The following ZBED1 variants were observed in gnomAD, a reference collection of about 807,000 sequenced individuals.
ZBED1 encodes the protein E3 SUMO-protein ligase ZBED1.
ZBED1 carries 19 observed loss-of-function variants against 49.7 expected under a neutral mutation model. The observed-to-expected ratio is 0.38, with a 90% CI of 0.27 to 0.56. The LOEUF (loss-of-function observed/expected upper bound fraction) is 0.56. Among genes scored for constraint, ZBED1 ranks in the 20% least tolerant of loss-of-function variants. ZBED1 has a pLI of 0.70. For missense variants in ZBED1, 806 were observed against 972.6 expected, an observed-to-expected ratio of 0.83 and a Z score of 2.28; for synonymous variants, 439 against 440.3, an observed-to-expected ratio of 1.00 and a Z score of 0.04.
intron 1 of ZBED1, among the ~76,000 whole-genome samples, chrX:2,498,629 A>G (rs892566424): frequency 1.2e-4 from 18 of 151,512 alleles, no homozygotes; most frequent in Non-Finnish European, 2.5e-4. Context: ...AAATGGGAAA[A>G]AAAAAAAAAA....
rs1278991601 is a variant in ZBED1 at position 2,489,666 on chromosome X, A to G, written c.1054T>C (p.Ser352Pro). 6.2e-7 allele frequency: 1 copy of G among 1,612,228 alleles called. No individual in the cohort carries two copies. The highest frequency in any genetic ancestry group is 8.5e-7 in the Non-Finnish European group (1 of 1,179,780). ...AHCMLVSNRV[S>P]WWGSTLAMLQ... is the part of the protein sequence containing the mutation. ...ATGGCCAGCGTGCTCCCCCACCAGG[A>G]GACGCGGTTGCTCACCAGCATGCAG... The change falls in exon 2 of 2, where the codon TCC (serine) becomes CCC (proline). Residue 352 changes from serine (S) to proline (P), a missense_variant. Around this residue, in one of 2 missense-constraint regions of ZBED1, gnomAD observed 749 missense variants for 861.3 expected, o/e 0.87. Coordinates refer to ENST00000652001, the MANE Select transcript of ZBED1 (RefSeq NM_001171136.2).
chrX:2,498,972 A>C (rs2124145112), intron 1 of ZBED1, among the ~76,000 whole-genome samples: 1 of 152,316 alleles, frequency 6.6e-6, no homozygotes, highest in African/African-American at 2.4e-5. Context: ...GGGTTTAAAA[A>C]AAAATACTGA....
chrX:2,490,142 C>T lies in ZBED1; in HGVS notation c.578G>A (p.Trp193Ter). 6.2e-7 allele frequency: 1 copy of T among 1,613,964 alleles called. No individual in the cohort carries two copies. Among genetic ancestry groups the T allele is most frequent in the Non-Finnish European group, 8.5e-7 (1 of 1,179,880 alleles). The change falls in exon 2 of 2, where the codon TGG becomes TAG. Residue 193 changes from tryptophan (W) to a stop codon, truncating the protein, a stop_gained. Transcript: ENST00000652001. LOFTEE classifies it high-confidence loss of function. ...CCACATGTCGGTGGAGATGCCACACCAGGTGGCCTCGGCCAGCTCCTTCAG... is the reference window on the plus strand; with the variant it reads ...CCACATGTCGGTGGAGATGCCACACTAGGTGGCCTCGGCCAGCTCCTTCAG... ...VILKELAEAT[W>*]CGISTDMWRS... is the part of the protein sequence containing the mutation.
At chrX:2,499,705 C>G (rs1282809862) in intron 1 of ZBED1, among the ~76,000 whole-genome samples, 6 of 151,822 alleles carry the variant, frequency 4.0e-5, no homozygotes, top group Non-Finnish European at 7.4e-5. Context: ...CCATGAGTTT[C>G]AGACCAGCCT....
rs1271273641 is a variant in ZBED1 at position 2,490,706 on chromosome X, C to A, written c.14G>T (p.Ser5Ile). The change falls in exon 2 of 2, where the codon AGC (serine) becomes ATC (isoleucine). Residue 5 changes from serine (S) to isoleucine (I), a missense_variant. By Grantham distance (142) the Ser-to-Ile change is moderately radical. Transcript: ENST00000652001. The stretch of plus-strand genomic sequence containing the variant: ...CAGGTCTGTCTGGGAGCTCTCCAGG[C>A]TTTTATTCTCCATTGCTTCTCCACC... MENK[S>I]LESSQTDLKL... 1.2e-6 allele frequency: 2 copies of A among 1,613,112 alleles called. No homozygotes were observed. The highest frequency in any genetic ancestry group is 2.2e-5 in the South Asian group (2 of 90,988).
At chrX:2,495,831 C>T (rs965151316) in intron 1 of ZBED1, among the ~76,000 whole-genome samples, 1 of 152,102 alleles carries the variant, frequency 6.6e-6, no homozygotes, top group African/African-American at 2.4e-5. Context: ...GGCGATTTCA[C>T]GTTTCCAATT....
Position 2,490,578 on chromosome X carries a change from G to A in ZBED1, c.142C>T (p.Arg48Cys). The change falls in exon 2 of 2, where the codon CGC becomes TGC. Residue 48 changes from arginine to cysteine, a missense_variant. This residue lies in a region of ZBED1 where 57 missense variants were observed against 111.3 expected (regional missense o/e 0.51). Transcript: ENST00000652001. ...TAGGCGATCTGGGCCATGCAGATGC[G>A]GCAGTAGATTTTCTTCCACTGCAGG... ...CILQWKKIYC[R>C]ICMAQIAYSG... The A allele has an allele frequency of 3.7e-6, 6 of 1,613,940 alleles. No individual in the cohort carries two copies. The highest frequency in any genetic ancestry group is 5.1e-6 in the Non-Finnish European group (6 of 1,179,854).
At position 2,490,212 on chromosome X, in the gene ZBED1, T is replaced by A. The variant is rs781613291; in HGVS notation, c.508A>T (p.Thr170Ser). ...YELPSRKYISTKAIPEKYGAV... is the reference protein window; with the variant it reads ...YELPSRKYISSKAIPEKYGAV... Reference sequence around the variant, plus strand: ...CCGTACTTCTCAGGGATGGCCTTGGTAGAGATGTACTTCCGGCTGGGCAGC... The same window carrying A: ...CCGTACTTCTCAGGGATGGCCTTGGAAGAGATGTACTTCCGGCTGGGCAGC... The change falls in exon 2 of 2, where the codon ACC becomes TCC. Residue 170 changes from threonine (T) to serine (S), a missense_variant. By Grantham distance (58) the Thr-to-Ser change is moderately conservative. Around this residue, in one of 2 missense-constraint regions of ZBED1, gnomAD observed 749 missense variants for 861.3 expected, o/e 0.87. Transcript: ENST00000652001. 4.3e-6 allele frequency: 7 copies of A among 1,613,890 alleles called. No homozygotes were observed. The highest frequency in any genetic ancestry group is 2.5e-6 in the Non-Finnish European group (3 of 1,179,856).
At position 2,487,549 on chromosome X, in the gene ZBED1, A is replaced by G. The variant is rs1327510473; in HGVS notation, c.*1086T>C. 1 of 152,238 alleles carries G rather than the reference A, an allele frequency of 6.6e-6. No homozygotes were observed. The highest frequency in any genetic ancestry group is 1.9e-4 in the East Asian group (1 of 5,166). 9.4% of individuals were successfully genotyped at this position (152,238 alleles called of 1,614,324 possible). On this transcript the variant is annotated 3_prime_UTR_variant, in exon 2 of 2. Coordinates refer to ENST00000652001, the MANE Select transcript of ZBED1 (RefSeq NM_001171136.2). ...CTGGCTAGTTTCTTGTATTTTTAGT[A>G]GACACGAGGTTTCACCATGTTGGTT...
chrX:2,498,203 T>C (rs1195061638), intron 1 of ZBED1, among the ~76,000 whole-genome samples: 2 of 152,202 alleles, frequency 1.3e-5, no homozygotes, highest in Non-Finnish European at 2.9e-5. Context: ...CTTTGTACGA[T>C]ACCTAAGAAG....
intron 1 of ZBED1, among the ~76,000 whole-genome samples, chrX:2,495,666 C>T (rs2045265897): frequency 6.6e-6 from 1 of 152,178 alleles, no homozygotes; most frequent in Non-Finnish European, 1.5e-5. Context: ...CCTCCTTCCT[C>T]CTCCCTTGCA....
At chrX:2,495,652 CCTT>C (rs1569349857) in intron 1 of ZBED1, among the ~76,000 whole-genome samples, 1 of 152,210 alleles carries the variant, frequency 6.6e-6, no homozygotes, top group African/African-American at 2.4e-5. Context: ...TGAGTACCCT[CCTT>C]CCTCCTTCCT....
Position 2,488,951 on chromosome X carries a change from C to A in ZBED1, c.1769G>T (p.Trp590Leu). Residue 590 changes from tryptophan to leucine, a missense_variant, in exon 2 of 2, where the codon TGG becomes TTG. Physicochemically the swap from Trp to Leu is moderately conservative, Grantham distance 61. This residue lies in a region of ZBED1 where 749 missense variants were observed against 861.3 expected (regional missense o/e 0.87). Coordinates refer to ENST00000652001, the MANE Select transcript of ZBED1 (RefSeq NM_001171136.2). ...VLGLNEDPLK[W>L]WSDRLALFPL... ...GAAGAGGGCCAGGCGGTCTGACCAC[C>A]ACTTGAGGGGGTCTTCGTTGAGGCC... 1 of 1,597,242 alleles carries A rather than the reference C, an allele frequency of 6.3e-7. No individual in the cohort carries two copies. Among genetic ancestry groups the A allele is most frequent in the Admixed American group, 1.7e-5 (1 of 59,022 alleles).
intron 1 of ZBED1, among the ~76,000 whole-genome samples, chrX:2,498,174 G>T (rs927034021): frequency 6.6e-6 from 1 of 152,176 alleles, no homozygotes; most frequent in African/African-American, 2.4e-5. Context: ...TCATGTGGAA[G>T]GTGTAACCCA....
At chrX:2,493,227 G>A (rs140302401) in intron 1 of ZBED1, among the ~76,000 whole-genome samples, 8,454 of 152,190 alleles carry the variant, frequency 0.056, 336 homozygotes, top group South Asian at 0.15. Context: ...TGGGGCCCCT[G>A]GATTACACAG....
At chrX:2,491,981 G>A (rs1045412737) in intron 1 of ZBED1, among the ~76,000 whole-genome samples, 25 of 152,196 alleles carry the variant, frequency 1.6e-4, no homozygotes, top group African/African-American at 5.8e-4. Context: ...TTTGTTAAAA[G>A]GTGTAATTGT....
intron 1 of ZBED1, among the ~76,000 whole-genome samples, chrX:2,498,669 A>G (rs747823859): frequency 6.6e-6 from 1 of 151,586 alleles, no homozygotes; most frequent in East Asian, 1.9e-4. Context: ...TCTAATGCAC[A>G]AAGAGCAAGT....
At chrX:2,495,842 G>A (rs1168670888) in intron 1 of ZBED1, among the ~76,000 whole-genome samples, 1 of 151,976 alleles carries the variant, frequency 6.6e-6, no homozygotes, top group Non-Finnish European at 1.5e-5. Flanking sequence ...GTTTCCAATT[G>A]CACATCCATG....
chrX:2,490,307 A>G lies in ZBED1; in HGVS notation c.413T>C (p.Leu138Pro), dbSNP rs773357335. ...AAVLGLICEG[L>P]YPASIVDEPT... Reference sequence around the variant, plus strand: ...CTCGTCCACGATGGAGGCTGGGTACAGCCCCTCGCAGATGAGGCCCAGCAC... The same window carrying G: ...CTCGTCCACGATGGAGGCTGGGTACGGCCCCTCGCAGATGAGGCCCAGCAC... Residue 138 changes from leucine to proline, a missense_variant, in exon 2 of 2, where the codon CTG (leucine) becomes CCG (proline). Leu to Pro is a moderately conservative substitution (Grantham distance 98, BLOSUM62 -3). This residue lies in a region of ZBED1 where 749 missense variants were observed against 861.3 expected (regional missense o/e 0.87). Transcript: ENST00000652001. The G allele has an allele frequency of 1.9e-6, 3 of 1,613,340 alleles. No homozygotes were observed. The highest frequency in any genetic ancestry group is 8.5e-7 in the Non-Finnish European group (1 of 1,179,866).
Sources: gnomAD v4.1 joint callset for allele counts (sites outside exome capture counted in the v4.1 genomes callset) on GRCh38, gnomAD v4.1.1 for gene constraint, gnomAD v4.1.1 regional missense constraint, MANE v1.5 for transcripts, NCBI Gene and HGNC (gene_info 2026-07-23, HGNC 2026-07-21) for gene names.